PLCB1: variants seen among roughly 807,000 people sequenced by gnomAD.
PLCB1 encodes 1-phosphatidylinositol 4,5-bisphosphate phosphodiesterase beta-1.
In PLCB1, 46 loss-of-function variants were observed where a neutral mutation model predicts 161.8. The ratio of observed to expected loss-of-function variants is 0.28; its 90% CI spans 0.22 to 0.36. The LOEUF is 0.36. Ranked by LOEUF, PLCB1 falls within the 10% of genes least tolerant of loss-of-function variation. The probability of loss-of-function intolerance (pLI) is 1.00; values close to 1 mark genes in which losing one functional copy is unlikely to be tolerated. For synonymous variants in PLCB1, 517 were observed against 503.7 expected, an observed-to-expected ratio of 1.03 and a Z score of -0.35; for missense variants, 1,016 against 1,472.5, an observed-to-expected ratio of 0.69 and a Z score of 5.07.
chr20:8,632,027 T>G (rs1318515548), intron 4 of PLCB1, among the ~76,000 whole-genome samples: 18 of 91,214 alleles, frequency 2.0e-4, no homozygotes, highest in African/African-American at 7.3e-4. Flanking sequence ...AAATATGGGT[T>G]TTTTTTGCTT....
chr20:8,769,243 C>A (rs1012173349), intron 26 of PLCB1, among the ~76,000 whole-genome samples: 1 of 151,868 alleles, frequency 6.6e-6, no homozygotes, highest in African/African-American at 2.4e-5. Context: ...CTTTAAACAT[C>A]AACTCATAAC....
intron 31 of PLCB1, chr20:8,802,184 A>T (rs1233727506): frequency 6.9e-7 from 1 of 1,439,496 alleles, no homozygotes; most frequent in Non-Finnish European, 9.8e-7. Flanking sequence ...GTAGGACTGG[A>T]TGGGAGGGGT....
At chr20:8,871,905 C>A (rs1276603746) in intron 31 of PLCB1, among the ~76,000 whole-genome samples, 1 of 152,130 alleles carries the variant, frequency 6.6e-6, no homozygotes, top group Non-Finnish European at 1.5e-5. Flanking sequence ...CTTGTTTAAA[C>A]CTTTTAACAG....
chr20:8,685,541 T>G (rs1398562745), intron 10 of PLCB1, among the ~76,000 whole-genome samples: 1 of 136,708 alleles, frequency 7.3e-6, no homozygotes, highest in African/African-American at 2.7e-5. Context: ...CTGTTCAATA[T>G]GGCGAAACCC....
intron 3 of PLCB1, among the ~76,000 whole-genome samples, chr20:8,461,823 GTGT>G (rs1220411491): frequency 6.6e-6 from 1 of 152,218 alleles, no homozygotes; most frequent in South Asian, 2.1e-4. Context: ...CTGGGATTTT[GTGT>G]TGTTTGATTT....
chr20:8,663,176 C>CAT (rs1989728159), intron 9 of PLCB1, among the ~76,000 whole-genome samples: 2 of 151,482 alleles, frequency 1.3e-5, no homozygotes, highest in East Asian at 1.9e-4. Flanking sequence ...AGAATATAAA[C>CAT]ATATATATAA....
rs1344109273 is a variant in PLCB1 at position 8,247,973 on chromosome 20, C to T, written c.177+97602C>T. On this transcript the variant is annotated intron_variant, in intron 2 of 31. Coordinates refer to ENST00000338037, the MANE Select transcript of PLCB1 (RefSeq NM_015192.4). Reference sequence around the variant, plus strand: ...TATCCTTCTTCTTCTTTCACTTCCTCTCTTTCTTGGGGCTGACCAGCTGAT... The same window carrying T: ...TATCCTTCTTCTTCTTTCACTTCCTTTCTTTCTTGGGGCTGACCAGCTGAT... Among the ~76,000 whole-genome samples the T allele has an allele frequency of 3.9e-5, 6 of 152,042 alleles. No individual in the cohort carries two copies. In the East Asian group the frequency reaches 1.2e-3, roughly 30 times the overall value.
chr20:8,878,840 T>C (rs995837640), intron 31 of PLCB1, among the ~76,000 whole-genome samples: 2 of 152,160 alleles, frequency 1.3e-5, no homozygotes, highest in Non-Finnish European at 2.9e-5. Context: ...GTTACATGAG[T>C]ATATTGTGTA....
At chr20:8,605,040 T>C (rs1987712808) in intron 3 of PLCB1, among the ~76,000 whole-genome samples, 1 of 152,138 alleles carries the variant, frequency 6.6e-6, no homozygotes, top group Non-Finnish European at 1.5e-5. Flanking sequence ...CATTTTATTT[T>C]ACTGTATAAC....
chr20:8,503,787 C>T (rs559001224), intron 3 of PLCB1, among the ~76,000 whole-genome samples: 1 of 152,010 alleles, frequency 6.6e-6, no homozygotes, highest in African/African-American at 2.4e-5. Flanking sequence ...AATTTTTAAT[C>T]ATGGGAATAT....
chr20:8,547,265 T>C (rs1985587058), intron 3 of PLCB1, among the ~76,000 whole-genome samples: 1 of 152,198 alleles, frequency 6.6e-6, no homozygotes, highest in Admixed American at 6.5e-5. Context: ...TACGGCAGAC[T>C]TTGGGACTAC....
Position 8,455,261 on chromosome 20 carries a change from G to A in PLCB1, c.246+83811G>A, listed in dbSNP as rs375371358. Among the ~76,000 whole-genome samples, 6 of 149,764 alleles carry A rather than the reference G, an allele frequency of 4.0e-5. No homozygotes were observed. In the East Asian group the frequency reaches 8.0e-4, roughly 20 times the overall value. On this transcript the variant is annotated intron_variant, in intron 3 of 31. Coordinates refer to ENST00000338037, the MANE Select transcript of PLCB1 (RefSeq NM_015192.4). ...GAGAATGGCTTGAACCTGGGAGGTG[G>A]AGGTTGCGATGAGCCGAGATTGTGC...
At chr20:8,760,173 G>A (rs904255631) in intron 24 of PLCB1, among the ~76,000 whole-genome samples, 6 of 152,072 alleles carry the variant, frequency 3.9e-5, no homozygotes, top group Admixed American at 2.0e-4. Flanking sequence ...CCAAAGTGCC[G>A]GGATTACAGG....
chr20:8,671,872 C>T (rs1989953977), intron 9 of PLCB1, among the ~76,000 whole-genome samples: 1 of 152,170 alleles, frequency 6.6e-6, no homozygotes, highest in Non-Finnish European at 1.5e-5. Context: ...CCAAATAACC[C>T]CGTGCCCTCA....
At chr20:8,320,895 GAGA>G (rs1208146705) in intron 2 of PLCB1, among the ~76,000 whole-genome samples, 8 of 147,574 alleles carry the variant, frequency 5.4e-5, no homozygotes, top group East Asian at 2.0e-4. Context: ...GAAAGAAAGA[GAGA>G]AGAAGAAAAG....
intron 9 of PLCB1, among the ~76,000 whole-genome samples, chr20:8,681,084 G>GTGTATA (rs1190332776): frequency 5.0e-5 from 2 of 39,792 alleles, no homozygotes; most frequent in South Asian, 8.3e-4. Context: ...ATATGTGTGT[G>GTGTATA]TGTATATATA....
intron 10 of PLCB1, among the ~76,000 whole-genome samples, chr20:8,694,779 G>T (rs532176475): frequency 3.3e-5 from 5 of 152,170 alleles, no homozygotes; most frequent in African/African-American, 1.2e-4. Flanking sequence ...AGTGATGTGC[G>T]TAAACAATTC....
At chr20:8,345,141 G>A (rs986957660) in intron 2 of PLCB1, among the ~76,000 whole-genome samples, 7 of 152,168 alleles carry the variant, frequency 4.6e-5, no homozygotes, top group African/African-American at 4.8e-5. Flanking sequence ...CACTCTTCAC[G>A]AAGCCTTAGT....
chr20:8,263,672 G>T (rs1381368725), intron 2 of PLCB1, among the ~76,000 whole-genome samples: 2 of 152,106 alleles, frequency 1.3e-5, no homozygotes, highest in African/African-American at 4.8e-5. Flanking sequence ...GCATATTACT[G>T]TGCTGAATAC....
Sources: allele counts gnomAD v4.1 joint callset (sites outside exome capture counted in the v4.1 genomes callset), GRCh38; gene constraint gnomAD v4.1.1; transcripts MANE v1.5; gene names NCBI Gene and HGNC (gene_info 2026-07-23, HGNC 2026-07-21).